Variants in KCNIP4 observed in about 807,000 individuals in gnomAD.
The protein encoded by KCNIP4 is potassium voltage-gated channel interacting protein 4, also known as Kv channel-interacting protein 4.
Under a neutral mutation model 34.0 loss-of-function variants are expected in KCNIP4, and 12 were observed. That is an observed-to-expected ratio of 0.35 (90% confidence interval 0.23 to 0.57). The LOEUF is 0.57. Ranked by LOEUF, KCNIP4 falls within the 20% of genes least tolerant of loss-of-function variation. The pLI, the probability that KCNIP4 is intolerant of heterozygous loss-of-function variation, is 0.83. For missense variants in KCNIP4, 238 were observed against 311.7 expected, an observed-to-expected ratio of 0.76 and a Z score of 1.78; for synonymous variants, 124 against 102.2, an observed-to-expected ratio of 1.21 and a Z score of -1.29.
intron 1 of KCNIP4, among the ~76,000 whole-genome samples, chr4:21,817,564 G>A (rs887112169): frequency 5.9e-5 from 9 of 152,120 alleles, no homozygotes; most frequent in African/African-American, 1.2e-4. Flanking sequence ...AAATGGACAC[G>A]CAAGTAGGGA....
intron 1 of KCNIP4, among the ~76,000 whole-genome samples, chr4:21,505,502 A>T (rs748753757): frequency 6.6e-6 from 1 of 152,194 alleles, no homozygotes; most frequent in Non-Finnish European, 1.5e-5. Context: ...ACTTTGTCCA[A>T]CTGTCCCCTC....
chr4:21,767,611 G>C (rs551029469), intron 1 of KCNIP4, among the ~76,000 whole-genome samples: 1 of 152,050 alleles, frequency 6.6e-6, no homozygotes, highest in South Asian at 2.1e-4. Flanking sequence ...TCAAAATACA[G>C]TTATTAAAAT....
chr4:21,737,600 C>A (rs1560676998), intron 1 of KCNIP4, among the ~76,000 whole-genome samples: 1 of 152,110 alleles, frequency 6.6e-6, no homozygotes, highest in African/African-American at 2.4e-5. Flanking sequence ...AACTCCCAGG[C>A]CAGGAGCCCT....
intron 1 of KCNIP4, among the ~76,000 whole-genome samples, chr4:21,819,878 T>C (rs571477651): frequency 1.7e-4 from 26 of 152,214 alleles, no homozygotes; most frequent in African/African-American, 5.8e-4. Flanking sequence ...AATATGAGAT[T>C]TGGTCTCTTT....
At chr4:21,511,925 G>A (rs541270678) in intron 1 of KCNIP4, among the ~76,000 whole-genome samples, 45 of 151,982 alleles carry the variant, frequency 3.0e-4, no homozygotes, top group African/African-American at 1.1e-3. Flanking sequence ...CCAGCATAAT[G>A]GCTGACACAG....
chr4:21,128,832 T>C (rs1577742393), intron 1 of KCNIP4, among the ~76,000 whole-genome samples: 3 of 152,336 alleles, frequency 2.0e-5, no homozygotes, highest in South Asian at 4.1e-4. Flanking sequence ...TAGATAAGTC[T>C]TGTGTTAAGA....
At chr4:21,793,199 T>A (rs1720408189) in intron 1 of KCNIP4, among the ~76,000 whole-genome samples, 1 of 152,224 alleles carries the variant, frequency 6.6e-6, no homozygotes, top group South Asian at 2.1e-4. Flanking sequence ...ATAGTATCAG[T>A]TCTTCAGGAG....
intron 1 of KCNIP4, among the ~76,000 whole-genome samples, chr4:21,770,090 A>G (rs1718678257): frequency 6.6e-6 from 1 of 151,756 alleles, no homozygotes; most frequent in Non-Finnish European, 1.5e-5. Context: ...TGCTGCACCT[A>G]TTGACTTTTC....
At chr4:21,151,878 T>C (rs898808955) in intron 1 of KCNIP4, among the ~76,000 whole-genome samples, 1 of 152,178 alleles carries the variant, frequency 6.6e-6, no homozygotes, top group Non-Finnish European at 1.5e-5. Context: ...TTCTCCTCCA[T>C]GCTCAAATTT....
At chr4:21,571,803 C>A (rs1042397487) in intron 1 of KCNIP4, among the ~76,000 whole-genome samples, 2 of 152,082 alleles carry the variant, frequency 1.3e-5, no homozygotes, top group Non-Finnish European at 2.9e-5. Context: ...AGTGTCCACA[C>A]AAATGCAAAA....
chr4:21,756,638 T>G (rs1717550436), intron 1 of KCNIP4, among the ~76,000 whole-genome samples: 1 of 151,934 alleles, frequency 6.6e-6, no homozygotes, highest in Non-Finnish European at 1.5e-5. Flanking sequence ...TCCAAATGTA[T>G]ATTAGCTTAG....
At chr4:21,595,677 C>A (rs2109106185) in intron 1 of KCNIP4, among the ~76,000 whole-genome samples, 1 of 151,980 alleles carries the variant, frequency 6.6e-6, no homozygotes, top group East Asian at 1.9e-4. Flanking sequence ...TAATGACAGC[C>A]CTTCTAATTG....
At chr4:21,548,799 T>A (rs1329907099) in intron 1 of KCNIP4, among the ~76,000 whole-genome samples, 1 of 152,084 alleles carries the variant, frequency 6.6e-6, no homozygotes, top group Non-Finnish European at 1.5e-5. Context: ...GTGGTTGAAA[T>A]GAGGAAACCC....
At chr4:20,743,882 G>A (rs1262684964) in intron 5 of KCNIP4, among the ~76,000 whole-genome samples, 1 of 151,528 alleles carries the variant, frequency 6.6e-6, no homozygotes, top group East Asian at 1.9e-4. Context: ...CTGACAAAGG[G>A]CTAATATCCA....
chr4:20,873,769 T>C (rs920003758), intron 2 of KCNIP4, among the ~76,000 whole-genome samples: 4 of 152,180 alleles, frequency 2.6e-5, no homozygotes, highest in African/African-American at 9.6e-5. Flanking sequence ...CCCCATTGCC[T>C]CTCTGCAGAG....
intron 1 of KCNIP4, among the ~76,000 whole-genome samples, chr4:21,371,973 T>C (rs1262289222): frequency 6.8e-6 from 1 of 147,180 alleles, no homozygotes; most frequent in Admixed American, 6.6e-5. Flanking sequence ...ATATATATTG[T>C]AAATAAACAC....
At chr4:20,836,627 G>T (rs557811198) in intron 3 of KCNIP4, among the ~76,000 whole-genome samples, 1 of 152,102 alleles carries the variant, frequency 6.6e-6, no homozygotes, top group Admixed American at 6.5e-5. Context: ...CTCAGTTTTT[G>T]CTCTTAAGGC....
intron 1 of KCNIP4, among the ~76,000 whole-genome samples, chr4:21,122,167 A>G (rs1027474415): frequency 4.8e-5 from 7 of 146,924 alleles, no homozygotes; most frequent in Non-Finnish European, 1.1e-4. Context: ...CTAATTTTGC[A>G]GATCAAGTTT....
intron 1 of KCNIP4, among the ~76,000 whole-genome samples, chr4:21,944,984 C>T (rs1730424271): frequency 6.6e-6 from 1 of 152,030 alleles, no homozygotes; most frequent in East Asian, 1.9e-4. Flanking sequence ...CCCCACAACC[C>T]CCTCCCTGCC....
Sources: gnomAD v4.1 joint callset for allele counts (sites outside exome capture counted in the v4.1 genomes callset) on GRCh38, gnomAD v4.1.1 for gene constraint, MANE v1.5 for transcripts, NCBI Gene and HGNC (gene_info 2026-07-23, HGNC 2026-07-21) for gene names.